TSPAN33: variants seen among roughly 807,000 people sequenced by gnomAD.
TSPAN33 encodes tetraspanin-33.
TSPAN33 carries 27 observed loss-of-function variants against 34.8 expected under a neutral mutation model. The ratio of observed to expected loss-of-function variants is 0.78; its 90% CI spans 0.57 to 1.07. The LOEUF is 1.07. Ranked by LOEUF, TSPAN33 falls within the 50% of genes least tolerant of loss-of-function variation. The probability of loss-of-function intolerance (pLI) is 0.00; values close to 1 mark genes in which losing one functional copy is unlikely to be tolerated. For synonymous variants in TSPAN33, 119 were observed against 124.2 expected, an observed-to-expected ratio of 0.96 and a Z score of 0.28; for missense variants, 272 against 324.9, an observed-to-expected ratio of 0.84 and a Z score of 1.25.
rs1008734215 is a variant in TSPAN33, at chr7:129,169,591, C to G, written c.*1717C>G. On this transcript the variant is annotated 3_prime_UTR_variant, in exon 8 of 8. Coordinates refer to ENST00000486685, the MANE Select transcript of TSPAN33 (RefSeq NM_178562.5). ...GTGTCTCCTAAGCGAGCCTTCTGCT[C>G]CTAGGAAGGCGCCTTTCCAGCAGCC... 1 of 152,206 alleles carries G rather than the reference C, an allele frequency of 6.6e-6. No homozygotes were observed. The highest frequency in any genetic ancestry group is 6.5e-5 in the Admixed American group (1 of 15,288). The allele number at this position is 152,206 out of a possible 1,614,324, so 9.4% of individuals were successfully genotyped here.
Position 129,162,407 on chromosome 7 carries a change from C to G in TSPAN33, c.174C>G (p.Ala58=). 6.2e-7 allele frequency: 1 copy of G among 1,613,486 alleles called. No homozygotes were observed. Among genetic ancestry groups the G allele is most frequent in the Middle Eastern group, 1.7e-4 (1 of 6,046 alleles). The change falls in exon 3 of 8, where the codon GCC becomes GCG. Residue 58 remains alanine, a synonymous_variant. Coordinates refer to ENST00000486685, the MANE Select transcript of TSPAN33 (RefSeq NM_178562.5). ...RLMKHAEAAL[A]CLAVDPAILL... The stretch of plus-strand genomic sequence containing the variant: ...CTCCTTTTCCAGAAGCAGCCCTAGC[C>G]TGCCTGGCAGTGGACCCTGCCATCC...
intron 1 of TSPAN33, among the ~76,000 whole-genome samples, chr7:129,150,955 A>G (rs12668381): frequency 0.21 from 32,589 of 152,070 alleles, 3,670 homozygotes; most frequent in Admixed American, 0.27. Context: ...AAAAAAAGCT[A>G]AGCAGGAGAC....
At chr7:129,146,892 C>T (rs1205351299) in intron 1 of TSPAN33, among the ~76,000 whole-genome samples, 1 of 152,082 alleles carries the variant, frequency 6.6e-6, no homozygotes, top group African/African-American at 2.4e-5. Context: ...TGTCTGTGCT[C>T]GCCAGTGACA....
intron 1 of TSPAN33, among the ~76,000 whole-genome samples, chr7:129,156,394 T>A (rs1810665176): frequency 6.6e-6 from 1 of 152,234 alleles, no homozygotes; most frequent in Non-Finnish European, 1.5e-5. Context: ...CACACTGTGC[T>A]CTTTGGAAGA....
At position 129,169,237 on chromosome 7, in the gene TSPAN33, T is replaced by G. The variant is rs1234008138; in HGVS notation, c.*1363T>G. ...CAGGACCTTCTCCCTGAGTCGGCTG[T>G]AGGGAGGACTCCGAGGAAGCTCGGC... is the stretch of plus-strand genomic sequence containing the variant. On this transcript the variant is annotated 3_prime_UTR_variant, in exon 8 of 8. Coordinates refer to ENST00000486685, the MANE Select transcript of TSPAN33 (RefSeq NM_178562.5). Among the ~76,000 whole-genome samples the G allele has an allele frequency of 6.6e-6, 1 of 152,136 alleles. No homozygotes were observed. Among genetic ancestry groups the G allele is most frequent in the African/African-American group, 2.4e-5 (1 of 41,428 alleles).
chr7:129,148,575 C>T lies in TSPAN33; in HGVS notation c.102+3493C>T, dbSNP rs1355666054. Among the ~76,000 whole-genome samples the T allele has an allele frequency of 6.6e-6, 1 of 152,196 alleles. No individual in the cohort carries two copies. The highest frequency in any genetic ancestry group is 2.4e-5 in the African/African-American group (1 of 41,440). On this transcript the variant is annotated intron_variant, in intron 1 of 7. Coordinates refer to ENST00000486685, the MANE Select transcript of TSPAN33 (RefSeq NM_178562.5). The surrounding 1 kb of genome is among the most constrained non-coding windows in gnomAD (Gnocchi z 4.2). ...ACTGGCCTGTCAAGATGCAGCTCAA[C>T]CTGGGGTCCTTGAGCACTCTTGGTG...
At chr7:129,157,547 C>T (rs1468322814) in intron 1 of TSPAN33, among the ~76,000 whole-genome samples, 3 of 152,100 alleles carry the variant, frequency 2.0e-5, no homozygotes, top group African/African-American at 7.2e-5. Context: ...ATTCTTTAGG[C>T]TTGTAGGTTC....
intron 1 of TSPAN33, among the ~76,000 whole-genome samples, chr7:129,149,451 C>T (rs1423577913): frequency 3.3e-5 from 5 of 151,912 alleles, no homozygotes; most frequent in Non-Finnish European, 5.9e-5. Context: ...CCAGCTACTT[C>T]GGAGGCTGAG....
intron 1 of TSPAN33, among the ~76,000 whole-genome samples, chr7:129,156,957 A>G (rs1810672458): frequency 6.6e-6 from 1 of 152,196 alleles, no homozygotes; most frequent in African/African-American, 2.4e-5. Flanking sequence ...TAAAAGCTAG[A>G]CTCAGCCATT....
rs150633037 is a variant in TSPAN33, at chr7:129,152,421, C to T, written c.102+7339C>T. On this transcript the variant is annotated intron_variant, in intron 1 of 7. Transcript: ENST00000486685. ...AAAAGGAAATGAAGTTGGCAGGGCA[C>T]GGTGGCTCATGCCTGTAATCTTTTG... is the stretch of plus-strand genomic sequence containing the variant. Among the ~76,000 whole-genome samples, 545 of 152,244 alleles carry T rather than the reference C, an allele frequency of 3.6e-3. 7 individuals are homozygous for T. The highest frequency in any genetic ancestry group is 0.012 in the African/African-American group (514 of 41,544).
chr7:129,153,121 C>T (rs1355205830), intron 1 of TSPAN33, among the ~76,000 whole-genome samples: 1 of 150,934 alleles, frequency 6.6e-6, no homozygotes, highest in Non-Finnish European at 1.5e-5. Context: ...GTGAAAGAAG[C>T]CGGACACAGA....
At chr7:129,145,652 C>T (rs553236339) in intron 1 of TSPAN33, among the ~76,000 whole-genome samples, 2 of 151,916 alleles carry the variant, frequency 1.3e-5, no homozygotes, top group African/African-American at 4.8e-5. Context: ...CTCCCTGCCA[C>T]CCTTCTCAGG....
chr7:129,166,766 G>A lies in TSPAN33; in HGVS notation c.460-12G>A. 5 of 1,613,782 alleles carry A rather than the reference G, an allele frequency of 3.1e-6. No homozygotes were observed. The highest frequency in any genetic ancestry group is 4.2e-6 in the Non-Finnish European group (5 of 1,179,816). On this transcript the variant is annotated splice_polypyrimidine_tract_variant and intron_variant, in intron 5 of 7. Transcript: ENST00000486685. ...GTGGGTGATTCTTAACCTCTGGTGGGTTTTGTTGCAGTTTAGCTGCTGTGG... is the reference window on the plus strand; with the variant it reads ...GTGGGTGATTCTTAACCTCTGGTGGATTTTGTTGCAGTTTAGCTGCTGTGG...
rs541746509 is a variant in TSPAN33, at chr7:129,148,170, C to T, written c.102+3088C>T. ...CAGGAATATTCAGTGCCGCCCACCTCCTTCCTCGCTGGTCCTTTTCCCACT... is the reference window on the plus strand; with the variant it reads ...CAGGAATATTCAGTGCCGCCCACCTTCTTCCTCGCTGGTCCTTTTCCCACT... On this transcript the variant is annotated intron_variant, in intron 1 of 7. Transcript: ENST00000486685. This position sits in a 1 kb window ranked among gnomAD's most constrained non-coding sequence, Gnocchi z 4.2. Among the ~76,000 whole-genome samples, 161 of 152,304 alleles carry T rather than the reference C, an allele frequency of 1.1e-3. 2 individuals carry two copies. Among genetic ancestry groups the T allele is most frequent in the Middle Eastern group, 3.4e-3 (1 of 294 alleles).
chr7:129,155,237 A>G (rs944614707), intron 1 of TSPAN33, among the ~76,000 whole-genome samples: 1 of 152,340 alleles, frequency 6.6e-6, no homozygotes, highest in Non-Finnish European at 1.5e-5. Flanking sequence ...AGAATGAGTT[A>G]CCAGAGGCTG....
intron 1 of TSPAN33, among the ~76,000 whole-genome samples, chr7:129,160,579 A>G (rs1055470595): frequency 1.3e-5 from 2 of 152,236 alleles, no homozygotes; most frequent in Non-Finnish European, 2.9e-5. Context: ...GGGAGAAGCC[A>G]GGAAATTTGA....
rs1223029188 is a variant in TSPAN33, at chr7:129,148,544, A to G, written c.102+3462A>G. Among the ~76,000 whole-genome samples, 1 of 152,048 alleles carries G rather than the reference A, an allele frequency of 6.6e-6. No individual in the cohort carries two copies. The highest frequency in any genetic ancestry group is 1.5e-5 in the Non-Finnish European group (1 of 68,000). On this transcript the variant is annotated intron_variant, in intron 1 of 7. Transcript: ENST00000486685. This position sits in a 1 kb window ranked among gnomAD's most constrained non-coding sequence, Gnocchi z 4.2. ...GCTTGATGCCCATCCTCCCTTCCTCATGGACACTGGCCTGTCAAGATGCAG... is the reference window on the plus strand; with the variant it reads ...GCTTGATGCCCATCCTCCCTTCCTCGTGGACACTGGCCTGTCAAGATGCAG...
At position 129,152,929 on chromosome 7, in the gene TSPAN33, A is replaced by T. The variant is rs1455548972; in HGVS notation, c.102+7847A>T. 2.0e-5 allele frequency among the ~76,000 whole-genome samples: 3 copies of T among 151,038 alleles called. No homozygotes were observed. The South Asian group carries it at 6.4e-4, about 32-fold the overall frequency. On this transcript the variant is annotated intron_variant, in intron 1 of 7. Coordinates refer to ENST00000486685, the MANE Select transcript of TSPAN33 (RefSeq NM_178562.5). ...CAAAATTAGCCAGGTTTGGTGGCAC[A>T]TACCTGTAACCCCAGCTACTCGGGA...
intron 1 of TSPAN33, among the ~76,000 whole-genome samples, chr7:129,154,461 G>T (rs945291236): frequency 1.3e-5 from 2 of 152,110 alleles, no homozygotes; most frequent in Non-Finnish European, 2.9e-5. Context: ...AAATGTATAG[G>T]CCAGGTGTGA....
Sources: gnomAD v4.1 joint callset for allele counts (sites outside exome capture counted in the v4.1 genomes callset) on GRCh38, gnomAD v4.1.1 for gene constraint, Gnocchi (gnomAD v3.1) non-coding constraint, MANE v1.5 for transcripts, NCBI Gene and HGNC (gene_info 2026-07-23, HGNC 2026-07-21) for gene names.